KAZN: variants seen among roughly 807,000 people sequenced by gnomAD.
The protein encoded by KAZN is kazrin, periplakin interacting protein, also known as kazrin.
KAZN carries 40 observed loss-of-function variants against 87.4 expected under a neutral mutation model. That is an observed-to-expected ratio of 0.46 (90% CI 0.36 to 0.60). The LOEUF is 0.60. Ranked by LOEUF, KAZN falls within the 20% of genes least tolerant of loss-of-function variation. The pLI is 0.00. For synonymous variants in KAZN, 466 were observed against 458.3 expected, an observed-to-expected ratio of 1.02 and a Z score of -0.22; for missense variants, 898 against 1,073.9, an observed-to-expected ratio of 0.84 and a Z score of 2.29.
Position 13,904,883 on chromosome 1 carries a change from C to T in KAZN, c.91+11127C>T, listed in dbSNP as rs563638358. ...TCTTTCTATCCCTCCTTTAGAAATT[C>T]CTTTGTGACTTGTGTTAGACTTCTC... On this transcript the variant is annotated intron_variant, in intron 1 of 16. Transcript: ENST00000636203. Among the ~76,000 whole-genome samples, 16 of 152,258 alleles carry T rather than the reference C, an allele frequency of 1.1e-4. No individual in the cohort carries two copies. The South Asian group carries it at 3.1e-3, about 30-fold the overall frequency.
At chr1:14,237,676 A>G (rs1648552331) in intron 2 of KAZN, among the ~76,000 whole-genome samples, 1 of 152,202 alleles carries the variant, frequency 6.6e-6, no homozygotes, top group Non-Finnish European at 1.5e-5. Context: ...TTGACGCAGC[A>G]AACATTTATT....
chr1:14,119,797 G>A (rs1183456378), intron 1 of KAZN, among the ~76,000 whole-genome samples: 1 of 152,126 alleles, frequency 6.6e-6, no homozygotes, highest in Admixed American at 6.5e-5. Context: ...CGTGTCACAA[G>A]GCTTAGTACT....
Position 14,968,498 on chromosome 1 carries a change from C to T in KAZN, c.418+7623C>T, listed in dbSNP as rs146015423. On this transcript the variant is annotated intron_variant, in intron 2 of 14. Coordinates refer to ENST00000376030, the MANE Select transcript of KAZN (RefSeq NM_201628.3). ...ACTGCATTGTGTCACTTTGTTACAA[C>T]AAGAATGGGAAACGAACCAGGCCCT... Among the ~76,000 whole-genome samples, 715 of 152,320 alleles carry T rather than the reference C, an allele frequency of 4.7e-3. 7 individuals carry two copies. Among genetic ancestry groups the T allele is most frequent in the South Asian group, 0.026 (123 of 4,822 alleles).
intron 2 of KAZN, among the ~76,000 whole-genome samples, chr1:14,404,564 T>C (rs1663679350): frequency 6.6e-6 from 1 of 152,166 alleles, no homozygotes; most frequent in African/African-American, 2.4e-5. Context: ...AAACAAGTTC[T>C]CCCTCAGTGC....
At chr1:14,197,217 G>A (rs1319975699) in intron 2 of KAZN, among the ~76,000 whole-genome samples, 1 of 151,846 alleles carries the variant, frequency 6.6e-6, no homozygotes, top group Non-Finnish European at 1.5e-5. Flanking sequence ...GGATTTTTTT[G>A]TTTTGTTTTT....
At chr1:14,414,827 C>A (rs979850224) in intron 2 of KAZN, among the ~76,000 whole-genome samples, 2 of 151,998 alleles carry the variant, frequency 1.3e-5, no homozygotes, top group African/African-American at 2.4e-5. Flanking sequence ...GAGTTCGAGA[C>A]CAGCCTAACC....
intron 6 of KAZN, chr1:15,063,327 G>A (rs2076568): frequency 0.12 from 65,949 of 543,952 alleles, 4,250 homozygotes; most frequent in Middle Eastern, 0.21. Context: ...AAGATGCTGG[G>A]GGTTGAGAGG....
At chr1:14,432,326 GA>G (rs1259505269) in intron 2 of KAZN, among the ~76,000 whole-genome samples, 4 of 152,096 alleles carry the variant, frequency 2.6e-5, no homozygotes, top group African/African-American at 9.7e-5. Context: ...GAATGGAAAA[GA>G]AAAGCTATGA....
intron 2 of KAZN, among the ~76,000 whole-genome samples, chr1:14,421,574 A>C (rs914076985): frequency 6.6e-5 from 10 of 152,198 alleles, no homozygotes; most frequent in Non-Finnish European, 1.5e-4. Context: ...TTGTGGGTTC[A>C]ATAAAGCATG....
At chr1:14,129,004 T>G (rs930103661) in intron 1 of KAZN, among the ~76,000 whole-genome samples, 1 of 152,126 alleles carries the variant, frequency 6.6e-6, no homozygotes, top group Admixed American at 6.5e-5. Flanking sequence ...GGTAATAAAG[T>G]GGATGCATTT....
chr1:14,557,300 C>G (rs1047687295), intron 2 of KAZN, among the ~76,000 whole-genome samples: 1 of 152,042 alleles, frequency 6.6e-6, no homozygotes, highest in South Asian at 2.1e-4. Flanking sequence ...TTCATTAAAT[C>G]AAAGTTATTT....
intron 2 of KAZN, among the ~76,000 whole-genome samples, chr1:14,370,015 A>G (rs1329483826): frequency 6.6e-6 from 1 of 152,216 alleles, no homozygotes; most frequent in Non-Finnish European, 1.5e-5. Flanking sequence ...CACGTGCATG[A>G]GAGGCCTTTT....
chr1:14,729,740 T>TGA (rs1339971880), intron 1 of KAZN, among the ~76,000 whole-genome samples: 8 of 152,168 alleles, frequency 5.3e-5, no homozygotes, highest in African/African-American at 1.9e-4. Flanking sequence ...GCCAGAGACC[T>TGA]CACTAACCGA....
chr1:14,938,164 C>T (rs984673187), intron 1 of KAZN, among the ~76,000 whole-genome samples: 81 of 152,238 alleles, frequency 5.3e-4, no homozygotes, highest in African/African-American at 1.9e-3. Flanking sequence ...TCCTTAACCC[C>T]TCTGAGCCTC....
At chr1:14,395,575 C>T (rs1197775713) in intron 2 of KAZN, among the ~76,000 whole-genome samples, 1 of 152,136 alleles carries the variant, frequency 6.6e-6, no homozygotes, top group Non-Finnish European at 1.5e-5. Flanking sequence ...TTGCAAAAGG[C>T]AGGCAGGGGA....
At chr1:14,405,882 T>C (rs1663810461) in intron 2 of KAZN, among the ~76,000 whole-genome samples, 1 of 152,050 alleles carries the variant, frequency 6.6e-6, no homozygotes. Context: ...ACCTTTTTGT[T>C]CTATCCATGC....
chr1:15,017,541 C>T (rs1050333547), intron 2 of KAZN, among the ~76,000 whole-genome samples: 35 of 151,860 alleles, frequency 2.3e-4, no homozygotes, highest in Non-Finnish European at 1.3e-4. Flanking sequence ...CGGTGGCTCA[C>T]GCCTGTAATC....
intron 1 of KAZN, among the ~76,000 whole-genome samples, chr1:13,944,040 G>A (rs942301415): frequency 7.9e-5 from 12 of 152,344 alleles, no homozygotes; most frequent in African/African-American, 2.6e-4. Flanking sequence ...CAAGAGGAAT[G>A]AAAACCATTG....
chr1:14,136,746 TG>T (rs777728245), intron 1 of KAZN, among the ~76,000 whole-genome samples: 18 of 152,304 alleles, frequency 1.2e-4, no homozygotes, highest in Admixed American at 3.9e-4. Context: ...TTAGTTTGTT[TG>T]TAAACAGAAT....
Sources: gnomAD v4.1 joint callset for allele counts (sites outside exome capture counted in the v4.1 genomes callset) on GRCh38, gnomAD v4.1.1 for gene constraint, MANE v1.5 for transcripts, NCBI Gene and HGNC (gene_info 2026-07-23, HGNC 2026-07-21) for gene names.